CTNND2: variants seen among roughly 807,000 people sequenced by gnomAD.
CTNND2 encodes the protein catenin delta 2.
In CTNND2, 22 loss-of-function variants were observed where a neutral mutation model predicts 144.4. The ratio of observed to expected loss-of-function variants is 0.15; its 90% CI spans 0.11 to 0.22. The LOEUF (loss-of-function observed/expected upper bound fraction) is 0.22, where lower values mean the gene tolerates loss of function less well. CTNND2 is among the 10% of genes least tolerant of loss of function. The pLI, the probability that CTNND2 is intolerant of heterozygous loss-of-function variation, is 1.00. For synonymous variants in CTNND2, 751 were observed against 695.6 expected (o/e 1.08, Z -1.25); for missense variants, 1,353 against 1,618.8 (o/e 0.84, Z 2.82).
chr5:11,099,116 AT>A (rs577734877), intron 14 of CTNND2, among the ~76,000 whole-genome samples: 1 of 152,200 alleles, frequency 6.6e-6, no homozygotes, highest in Non-Finnish European at 1.5e-5. Flanking sequence ...AAGGTAGCAT[AT>A]TTTATAGTAA....
chr5:11,672,038 C>G (rs1783898036), intron 2 of CTNND2, among the ~76,000 whole-genome samples: 1 of 152,194 alleles, frequency 6.6e-6, no homozygotes, highest in Non-Finnish European at 1.5e-5. Context: ...AGTGAAGCCG[C>G]TCTGAGGCAG....
At chr5:11,270,067 T>C (rs994110117) in intron 9 of CTNND2, among the ~76,000 whole-genome samples, 1 of 152,186 alleles carries the variant, frequency 6.6e-6, no homozygotes. Flanking sequence ...TGTGGCAAAC[T>C]TCAGTTAAAT....
intron 3 of CTNND2, among the ~76,000 whole-genome samples, chr5:11,480,440 G>A (rs549025388): frequency 4.4e-4 from 67 of 152,154 alleles, no homozygotes; most frequent in Non-Finnish European, 7.9e-4. Context: ...AGCTTATTAC[G>A]GAACTTTCTT....
At chr5:11,108,615 A>AT (rs1752652505) in intron 14 of CTNND2, among the ~76,000 whole-genome samples, 1 of 152,220 alleles carries the variant, frequency 6.6e-6, no homozygotes, top group Non-Finnish European at 1.5e-5. Context: ...ACAGACATAT[A>AT]TTTTTTACCC....
chr5:10,979,862 TGAAACTGGACCCCTTCC>T (rs1297824973), intron 21 of CTNND2, among the ~76,000 whole-genome samples: 2 of 152,172 alleles, frequency 1.3e-5, no homozygotes, highest in South Asian at 2.1e-4. Context: ...TGCAGAAAAC[TGAAACTGGACCCCTTCC>T]TTACACCTTA....
intron 9 of CTNND2, among the ~76,000 whole-genome samples, chr5:11,311,408 CACAT>C (rs1266467722): frequency 3.0e-5 from 4 of 131,224 alleles, no homozygotes; most frequent in Non-Finnish European, 6.5e-5. Context: ...ACCTCACATG[CACAT>C]ACACTCTCAT....
intron 3 of CTNND2, among the ~76,000 whole-genome samples, chr5:11,463,536 T>C (rs1411015251): frequency 6.6e-6 from 1 of 152,134 alleles, no homozygotes; most frequent in African/African-American, 2.4e-5. Flanking sequence ...CCTAGTACAT[T>C]AGAGAGGAAA....
intron 7 of CTNND2, among the ~76,000 whole-genome samples, chr5:11,373,898 C>G (rs968103925): frequency 1.3e-5 from 2 of 152,174 alleles, no homozygotes; most frequent in Non-Finnish European, 2.9e-5. Flanking sequence ...CTTTTTGCCC[C>G]TGGCATGCTA....
chr5:11,437,006 A>G (rs1350093333), intron 3 of CTNND2, among the ~76,000 whole-genome samples: 1 of 152,200 alleles, frequency 6.6e-6, no homozygotes, highest in African/African-American at 2.4e-5. Flanking sequence ...AAATAAACTC[A>G]CTAGTTTCTC....
intron 3 of CTNND2, among the ~76,000 whole-genome samples, chr5:11,465,124 T>G (rs1244193554): frequency 2.0e-5 from 3 of 152,214 alleles, no homozygotes; most frequent in African/African-American, 4.8e-5. Context: ...CCTTAAACAG[T>G]CATGTTAAGA....
intron 9 of CTNND2, among the ~76,000 whole-genome samples, chr5:11,320,156 T>C (rs562946203): frequency 4.6e-5 from 7 of 152,234 alleles, no homozygotes; most frequent in African/African-American, 9.6e-5. Flanking sequence ...ACAACACAGG[T>C]AAATATCAAA....
intron 2 of CTNND2, among the ~76,000 whole-genome samples, chr5:11,565,802 T>C (rs1581512067): frequency 6.6e-6 from 1 of 152,352 alleles, no homozygotes. Context: ...TTTTGTACCA[T>C]ATTTTACTAC....
intron 2 of CTNND2, among the ~76,000 whole-genome samples, chr5:11,644,587 T>A (rs554190755): frequency 6.7e-6 from 1 of 150,210 alleles, no homozygotes; most frequent in African/African-American, 2.5e-5. Context: ...GGCAGGAGAA[T>A]GGTGTGAACC....
At chr5:11,127,654 A>C (rs1214118355) in intron 12 of CTNND2, among the ~76,000 whole-genome samples, 1 of 144,402 alleles carries the variant, frequency 6.9e-6, no homozygotes, top group East Asian at 2.3e-4. Context: ...CCCTTTTAGA[A>C]CTGGAGTGTC....
At chr5:11,645,896 C>G (rs1011892726) in intron 2 of CTNND2, among the ~76,000 whole-genome samples, 1 of 151,922 alleles carries the variant, frequency 6.6e-6, no homozygotes, top group South Asian at 2.1e-4. Context: ...TAAACATAAA[C>G]AGTACATTAT....
intron 9 of CTNND2, among the ~76,000 whole-genome samples, chr5:11,246,372 G>C (rs569170620): frequency 6.6e-6 from 1 of 152,176 alleles, no homozygotes; most frequent in East Asian, 1.9e-4. Context: ...GGTGGCCCCT[G>C]AGTCAAAAGA....
chr5:11,288,123 AG>A, intron 9 of CTNND2, among the ~76,000 whole-genome samples: 1 of 152,164 alleles, frequency 6.6e-6, no homozygotes, highest in Non-Finnish European at 1.5e-5. Context: ...GCATTGCGGC[AG>A]GTTATTTGTT....
At chr5:11,849,926 G>A (rs1213920899) in intron 1 of CTNND2, among the ~76,000 whole-genome samples, 1 of 152,122 alleles carries the variant, frequency 6.6e-6, no homozygotes, top group African/African-American at 2.4e-5. Context: ...CCAAGGCTCA[G>A]ACCTCCTTTT....
chr5:11,031,582 G>A (rs1743479363), intron 16 of CTNND2, among the ~76,000 whole-genome samples: 1 of 152,166 alleles, frequency 6.6e-6, no homozygotes, highest in African/African-American at 2.4e-5. Flanking sequence ...TCGGTGGGCT[G>A]GTAAAGTAGT....
Sources: allele counts gnomAD v4.1 joint callset (sites outside exome capture counted in the v4.1 genomes callset), GRCh38; gene constraint gnomAD v4.1.1; transcripts MANE v1.5; gene names NCBI Gene and HGNC (gene_info 2026-07-23, HGNC 2026-07-21).